Variants in TTN observed in about 807,000 individuals in gnomAD.
TTN encodes titin.
In TTN, 1,525 loss-of-function variants were observed where a neutral mutation model predicts 3,223.0. The observed-to-expected ratio is 0.47, with a 90% CI of 0.45 to 0.49. The LOEUF is 0.49. Among genes scored for constraint, TTN ranks in the 20% least tolerant of loss-of-function variants. TTN has a pLI of 0.00. For synonymous variants in TTN, 14,094 were observed against 15,161.0 expected (o/e 0.93, Z 5.17); for missense variants, 40,786 against 43,424.0 (o/e 0.94, Z 5.40).
Position 178,768,850 on chromosome 2 carries a change from C to T in TTN, c.8986G>A (p.Gly2996Ser). ...TTCTTTAACCATTTGTAAGAGATGCCTTCATAGTTCACTGTCACCTCAAAA... is the reference window on the plus strand; with the variant it reads ...TTCTTTAACCATTTGTAAGAGATGCTTTCATAGTTCACTGTCACCTCAAAA... ...ITFEVTVNYE[G>S]ISYKWLKNGV... Residue 2996 changes from glycine (G) to serine (S), a missense_variant, in exon 38 of 363, where the codon GGC becomes AGC. Coordinates refer to ENST00000589042, the MANE Select transcript of TTN (RefSeq NM_001267550.2). 1 of 1,614,006 alleles carries T rather than the reference C, an allele frequency of 6.2e-7. No homozygotes were observed. The highest frequency in any genetic ancestry group is 8.5e-7 in the Non-Finnish European group (1 of 1,179,996).
At chr2:178,582,833 A>C in intron 313 of TTN, 107 bp downstream of exon 313, 2 of 1,049,662 alleles carry the variant, frequency 1.9e-6, no homozygotes, top group South Asian at 2.6e-5. Flanking sequence ...GTGCATAGGA[A>C]ATACACATTA....
In TTN at chr2:178,776,361, G is replaced by C. The variant is rs537070177; in HGVS notation, c.5503C>G (p.Gln1835Glu). 17 of 1,613,494 alleles carry C rather than the reference G, an allele frequency of 1.1e-5. No individual in the cohort carries two copies. In the South Asian group the frequency reaches 1.8e-4, roughly 17 times the overall value. The change falls in exon 28 of 363, where the codon CAG becomes GAG. Residue 1835 changes from glutamine to glutamate, a missense_variant. Coordinates refer to ENST00000589042, the MANE Select transcript of TTN (RefSeq NM_001267550.2). ...EGALTGVTTD[Q>E]KEKQKPDIVL... The stretch of plus-strand genomic sequence containing the variant: ...ATGTCTGGCTTTTGCTTTTCTTTCT[G>C]ATCTGTTGTTACACCTGTAAGTGCA...
At position 178,576,288 on chromosome 2, in the gene TTN, C is replaced by T. The variant is rs876658079; in HGVS notation, c.69844G>A (p.Val23282Ile). 4 of 1,600,150 alleles carry T rather than the reference C, an allele frequency of 2.5e-6. No individual in the cohort carries two copies. The highest frequency in any genetic ancestry group is 3.4e-6 in the Non-Finnish European group (4 of 1,174,232). The change falls in exon 326 of 363, where the codon GTA becomes ATA. Residue 23282 changes from valine (V) to isoleucine (I), a missense_variant. Val to Ile is a conservative substitution (Grantham distance 29). Coordinates refer to ENST00000589042, the MANE Select transcript of TTN (RefSeq NM_001267550.2). This position sits in a 1 kb window ranked among gnomAD's most constrained non-coding sequence, Gnocchi z 4.3. The stretch of plus-strand genomic sequence containing the variant: ...TCTTTTATCCAGGCCTCGTCTCCTA[C>T]TTTTTGATGCTCCACGACATAGCCA... Reference protein sequence around the residue: ...ITGYVVEHQKVGDEAWIKDTT... With the variant: ...ITGYVVEHQKIGDEAWIKDTT...
intron 47 of TTN, chr2:178,748,044 T>C: frequency 6.2e-7 from 1 of 1,612,974 alleles, no homozygotes; most frequent in Non-Finnish European, 8.5e-7. Flanking sequence ...GGTTCTAGAG[T>C]GCATTCTTCT....
At chr2:178,734,030 TA>T in intron 52 of TTN, 138 bp from the exon 53 acceptor site, 4 of 949,858 alleles carry the variant, frequency 4.2e-6, no homozygotes, top group Non-Finnish European at 4.4e-6. Context: ...GAAGAAGAAA[TA>T]AAAGTTAAGA....
chr2:178,597,461 G>A, intron 294 of TTN, 77 bp downstream of exon 294: 1 of 1,441,844 alleles, frequency 6.9e-7, no homozygotes, highest in Non-Finnish European at 9.4e-7. Flanking sequence ...TTGTTACACA[G>A]CATACAGCAT....
At chr2:178,545,268 A>G (rs972366736) in intron 344 of TTN, 120 bp downstream of exon 344, 1 of 865,432 alleles carries the variant, frequency 1.2e-6, no homozygotes, top group Admixed American at 3.5e-5. Flanking sequence ...CATGCAAATA[A>G]GCATGTGCTT....
intron 20 of TTN, 31 bp from the exon 21 acceptor site, chr2:178,781,294 A>G (rs1169021543): frequency 1.2e-6 from 2 of 1,612,460 alleles, no homozygotes; most frequent in Middle Eastern, 3.3e-4. Context: ...TTTAAAAATC[A>G]GTTATCAACA....
Position 178,722,364 on chromosome 2 carries a change from T to C in TTN, c.22423A>G (p.Thr7475Ala). The change falls in exon 77 of 363, where the codon ACT becomes GCT. Residue 7475 changes from threonine (T) to alanine (A), a missense_variant. Transcript: ENST00000589042. ...LQTSFVDNVA[T>A]LKILQTDLSH... Reference sequence around the variant, plus strand: ...AAGTCAGTTTGCAAAATTTTTAAAGTTGCCACATTATCTACAAATGAAGTC... The same window carrying C: ...AAGTCAGTTTGCAAAATTTTTAAAGCTGCCACATTATCTACAAATGAAGTC... The C allele has an allele frequency of 6.2e-7, 1 of 1,613,342 alleles. No homozygotes were observed. Among genetic ancestry groups the C allele is most frequent in the Non-Finnish European group, 8.5e-7 (1 of 1,179,550 alleles).
chr2:178,568,142 G>C lies in TTN; in HGVS notation c.77990C>G (p.Pro25997Arg), dbSNP rs560308739. 6.2e-7 allele frequency: 1 copy of C among 1,613,484 alleles called. No homozygotes were observed. The highest frequency in any genetic ancestry group is 8.5e-7 in the Non-Finnish European group (1 of 1,179,606). Residue 25997 changes from proline to arginine, a missense_variant, in exon 326 of 363, where the codon CCA becomes CGA. Transcript: ENST00000589042. The part of the protein sequence containing the change: ...PYKEPGPPGT[P>R]FATAISKDSM... The stretch of plus-strand genomic sequence containing the variant: ...GTCTTTGGAAATGGCTGTGGCAAAT[G>C]GTGTACCTGGAGGGCCTGGTTCTTT...
At position 178,561,944 on chromosome 2, in the gene TTN, C is replaced by T. The variant is rs570847832; in HGVS notation, c.84188G>A (p.Arg28063His). The T allele has an allele frequency of 6.1e-5, 99 of 1,613,106 alleles. No individual in the cohort carries two copies. The highest frequency in any genetic ancestry group is 8.8e-5 in the South Asian group (8 of 91,064). The stretch of plus-strand genomic sequence containing the variant: ...GCTGTCACAACTAACCTCATCAATA[C>T]GTATAGGACCTGGAGGTCCTGGTCT... ...LDRPGPPGPI[R>H]IDEVSCDSIT... Residue 28063 changes from arginine to histidine, a missense_variant, in exon 326 of 363, where the codon CGT (arginine) becomes CAT (histidine). Arg to His is a conservative substitution (Grantham distance 29). Coordinates refer to ENST00000589042, the MANE Select transcript of TTN (RefSeq NM_001267550.2).
Position 178,781,931 on chromosome 2 carries a change from G to GT in TTN, c.3380+280_3380+281insA, listed in dbSNP as rs1561353037. On this transcript the variant is annotated intron_variant, in intron 20 of 362. Transcript: ENST00000589042. ...GTGTGTGTGTGTGTGTGTGTGTGTGGGTGTGTTTGTGTGAAAATCCATATT... is the reference window on the plus strand; with the variant it reads ...GTGTGTGTGTGTGTGTGTGTGTGTGGTGTGTGTTTGTGTGAAAATCCATATT... Among the ~76,000 whole-genome samples the GT allele has an allele frequency of 4.0e-4, 49 of 123,380 alleles. No individual in the cohort carries two copies. The East Asian group carries it at 5.0e-3, about 12-fold the overall frequency. The allele number at this position is 123,380 out of a possible 152,430, so 80.9% of individuals were successfully genotyped here.
Position 178,579,632 on chromosome 2 carries a change from C to T in TTN, c.67565G>A (p.Arg22522Lys). 4.3e-6 allele frequency: 7 copies of T among 1,613,378 alleles called. No individual in the cohort carries two copies. Among genetic ancestry groups the T allele is most frequent in the Non-Finnish European group, 5.9e-6 (7 of 1,179,516 alleles). Residue 22522 changes from arginine (R) to lysine (K), a missense_variant, in exon 319 of 363, where the codon AGA becomes AAA. Physicochemically the swap from Arg to Lys is conservative, Grantham distance 26. Coordinates refer to ENST00000589042, the MANE Select transcript of TTN (RefSeq NM_001267550.2). ...TCCATTTTCATTCTCAGCACTCACT[C>T]TGAAGGTATATTCCTTCCCTTCAGT... ...DLTEGKEYTF[R>K]VSAENENGEG...
chr2:178,619,998 A>C lies in TTN; in HGVS notation c.46419T>G (p.Leu15473=). The C allele has an allele frequency of 6.2e-7, 1 of 1,608,464 alleles. No homozygotes were observed. Among genetic ancestry groups the C allele is most frequent in the East Asian group, 2.2e-5 (1 of 44,584 alleles). Residue 15473 remains leucine (L), a synonymous_variant, in exon 249 of 363, where the codon CTT becomes CTG. Coordinates refer to ENST00000589042, the MANE Select transcript of TTN (RefSeq NM_001267550.2). ...GVEDRKSRAR[L]FVEEIPVEII... The stretch of plus-strand genomic sequence containing the variant: ...TCACTTAATATGTACCTTCCACAAA[A>C]AGTCTAGCACGAGACTTCCTGTCTT...
Position 178,544,316 on chromosome 2 carries a change from A to C in TTN, c.95913T>G (p.Thr31971=). 1.9e-6 allele frequency: 3 copies of C among 1,613,786 alleles called. No individual in the cohort carries two copies. Among genetic ancestry groups the C allele is most frequent in the Non-Finnish European group, 2.5e-6 (3 of 1,179,728 alleles). The change falls in exon 345 of 363, where the codon ACT becomes ACG. Residue 31971 remains threonine (T), a synonymous_variant. Coordinates refer to ENST00000589042, the MANE Select transcript of TTN (RefSeq NM_001267550.2). ...TCTGGCCCATTTTAAGGTCTGGCAC[A>C]GTGAATTCAGTATTTCTTATTGTGG... is the stretch of plus-strand genomic sequence containing the variant. ...TNATIRNTEF[T]VPDLKMGQKY... is the part of the protein sequence containing the mutation.
At chr2:178,716,111 T>A (rs988990061) in intron 88 of TTN, among the ~76,000 whole-genome samples, 3 of 152,082 alleles carry the variant, frequency 2.0e-5, no homozygotes, top group African/African-American at 7.2e-5. Context: ...CCCTCTGAGG[T>A]CCACGGGGAA....
rs2092847031 is a variant in TTN, at chr2:178,782,229, A to G, written c.3363T>C (p.Pro1121=). 1 of 1,614,144 alleles carries G rather than the reference A, an allele frequency of 6.2e-7. No homozygotes were observed. Among genetic ancestry groups the G allele is most frequent in the Non-Finnish European group, 8.5e-7 (1 of 1,179,988 alleles). The change falls in exon 20 of 363, where the codon CCT becomes CCC. Residue 1121 remains proline (P), a synonymous_variant. Transcript: ENST00000589042. ...PHVYWKKSGV[P]LTTGYRYKVS... ...CAAAATACCTGTATCCAGTGGTTAG[A>G]GGAACACCAGATTTTTTCCAGTATA...
At chr2:178,550,323 T>A (rs1187306169) in intron 336 of TTN, 50 bp from the exon 337 acceptor site, 1 of 1,449,594 alleles carries the variant, frequency 6.9e-7, no homozygotes, top group South Asian at 1.3e-5. Flanking sequence ...AATAAAGACA[T>A]ACATAAATAT....
At chr2:178,730,021 T>TCCCCCCCCCCCCCCC in intron 62 of TTN, 72 bp downstream of exon 62, 3 of 1,558,074 alleles carry the variant, frequency 1.9e-6, no homozygotes, top group Non-Finnish European at 2.6e-6. Context: ...GTCTTAAGCG[T>TCCCCCCCCCCCCCCC]CCCCCGCCCC....
Sources: allele counts gnomAD v4.1 joint callset (sites outside exome capture counted in the v4.1 genomes callset), GRCh38; gene constraint gnomAD v4.1.1; non-coding constraint Gnocchi (gnomAD v3.1); transcripts MANE v1.5; gene names NCBI Gene and HGNC (gene_info 2026-07-23, HGNC 2026-07-21).